CACNA1B: variants seen among roughly 807,000 people sequenced by gnomAD.
CACNA1B encodes the protein calcium voltage-gated channel subunit alpha1 B, also known as voltage-dependent N-type calcium channel subunit alpha-1B.
CACNA1B carries 70 observed loss-of-function variants against 247.2 expected under a neutral mutation model. The ratio of observed to expected loss-of-function variants is 0.28; its 90% CI spans 0.23 to 0.35. CACNA1B has a LOEUF of 0.35. Among genes scored for constraint, CACNA1B ranks in the 10% least tolerant of loss-of-function variants. The pLI, the probability that CACNA1B is intolerant of heterozygous loss-of-function variation, is 1.00. For synonymous variants in CACNA1B, 1,231 were observed against 1,294.4 expected (o/e 0.95, Z 1.05); for missense variants, 2,367 against 3,197.4 (o/e 0.74, Z 6.26).
Position 137,913,123 on chromosome 9 carries a change from C to T in CACNA1B, c.531-57C>T, listed in dbSNP as rs544209484. The T allele has an allele frequency of 7.2e-7, 1 of 1,384,172 alleles. No homozygotes were observed. Among genetic ancestry groups the T allele is most frequent in the East Asian group, 2.3e-5 (1 of 43,612 alleles). The allele number at this position is 1,384,172 out of a possible 1,614,324, so 85.7% of individuals were successfully genotyped here. On this transcript the variant is annotated intron_variant, in intron 3 of 46. Coordinates refer to ENST00000371372, the MANE Select transcript of CACNA1B (RefSeq NM_000718.4). The surrounding 1 kb of genome is among the most constrained non-coding windows in gnomAD (Gnocchi z 5.2). ...ACCCTGGTGGTGGGAGGAGTGTGTC[C>T]TCTTCCAGGCTCAATGTGGAAACCT...
intron 37 of CACNA1B, among the ~76,000 whole-genome samples, chr9:138,101,456 G>A (rs1961248599): frequency 6.6e-6 from 1 of 152,248 alleles, no homozygotes. Context: ...GGAGATGGGG[G>A]CTAGGTCCCT....
rs769006532 is a variant in CACNA1B, at chr9:138,112,372, C to T, written c.5429-26C>T. ...TGCTCCTAACATCTCTGTCTTTTCC[C>T]CTTCCCCACCATCATCCTGGTGCAG... is the stretch of plus-strand genomic sequence containing the variant. On this transcript the variant is annotated intron_variant, in intron 39 of 46. Coordinates refer to ENST00000371372, the MANE Select transcript of CACNA1B (RefSeq NM_000718.4). The T allele has an allele frequency of 9.6e-6, 15 of 1,559,776 alleles. No homozygotes were observed. In the East Asian group the frequency reaches 3.1e-4, roughly 33 times the overall value.
intron 6 of CACNA1B, among the ~76,000 whole-genome samples, chr9:137,929,068 G>C (rs777566166): frequency 5.9e-5 from 9 of 152,142 alleles, no homozygotes; most frequent in Non-Finnish European, 1.2e-4. Context: ...GTTTTTGCAA[G>C]GAATATGTTT....
At chr9:138,044,886 C>T (rs1347336405) in intron 21 of CACNA1B, among the ~76,000 whole-genome samples, 14 of 152,228 alleles carry the variant, frequency 9.2e-5, no homozygotes, top group Admixed American at 2.6e-4. Context: ...TACCCTGCTA[C>T]GCTGCGGTTA....
chr9:137,910,303 T>C (rs1194172906), intron 3 of CACNA1B, among the ~76,000 whole-genome samples: 1 of 152,158 alleles, frequency 6.6e-6, no homozygotes, highest in African/African-American at 2.4e-5. Flanking sequence ...TTATTAGAGA[T>C]ATGATTTGCA....
At chr9:138,080,249 T>A (rs1960480388) in intron 36 of CACNA1B, among the ~76,000 whole-genome samples, 1 of 152,026 alleles carries the variant, frequency 6.6e-6, no homozygotes, top group African/African-American at 2.4e-5. Context: ...GGACGTGGGA[T>A]CAAAGCTGGG....
At position 138,052,231 on chromosome 9, in the gene CACNA1B, T is replaced by C. The variant is rs372184486; in HGVS notation, c.3807+43T>C. ...GGGCTTGAGGGATGTGCTGTGTGTG[T>C]GTGCGTGTGTGTGTGTGCGTGTGTG... On this transcript the variant is annotated intron_variant, in intron 25 of 46. Coordinates refer to ENST00000371372, the MANE Select transcript of CACNA1B (RefSeq NM_000718.4). This position sits in a 1 kb window ranked among gnomAD's most constrained non-coding sequence, Gnocchi z 5.1. The C allele has an allele frequency of 5.8e-6, 6 of 1,035,240 alleles. No individual in the cohort carries two copies. Among genetic ancestry groups the C allele is most frequent in the South Asian group, 1.3e-5 (1 of 74,840 alleles). 64.1% of individuals were successfully genotyped at this position (1,035,240 alleles called of 1,614,324 possible). A position where few individuals can be genotyped will look rare whatever the true frequency, so the allele number is the denominator to read the frequency against.
rs1958382668 is a variant in CACNA1B at position 137,987,663 on chromosome 9, CA to C, written c.1974+811del. Among the ~76,000 whole-genome samples, 3 of 152,090 alleles carry C rather than the reference CA, an allele frequency of 2.0e-5. No individual in the cohort carries two copies. In the South Asian group the frequency reaches 6.2e-4, roughly 32 times the overall value. On this transcript the variant is annotated intron_variant, in intron 15 of 46. Coordinates refer to ENST00000371372, the MANE Select transcript of CACNA1B (RefSeq NM_000718.4). ...TACCCTTGGTCAGGGCTGGAGCCTA[CA>C]ACTTGTGTGAAGAGAGGGGCCCTTT...
At chr9:138,098,498 A>G (rs549596566) in intron 37 of CACNA1B, among the ~76,000 whole-genome samples, 1 of 152,330 alleles carries the variant, frequency 6.6e-6, no homozygotes, top group South Asian at 2.1e-4. Flanking sequence ...TTAGTACTGA[A>G]GGGCAAAGGC....
intron 3 of CACNA1B, among the ~76,000 whole-genome samples, chr9:137,885,097 GTC>G (rs1365328536): frequency 2.7e-5 from 4 of 148,126 alleles, no homozygotes; most frequent in Non-Finnish European, 4.5e-5. Flanking sequence ...GCTTGGGCAC[GTC>G]TCTGCTCGCC....
At position 138,020,342 on chromosome 9, in the gene CACNA1B, G is replaced by A. The variant is rs1235422838; in HGVS notation, c.2268-2669G>A. On this transcript the variant is annotated intron_variant, in intron 18 of 46. Transcript: ENST00000371372. The surrounding 1 kb of genome is among the most constrained non-coding windows in gnomAD (Gnocchi z 4.1). ...CTGAGGCCAGGACACAGGGGTGCCA[G>A]TCGTCCATGTGACTTCCTTAAAGAA... 1.3e-5 allele frequency among the ~76,000 whole-genome samples: 2 copies of A among 152,184 alleles called. No individual in the cohort carries two copies. The highest frequency in any genetic ancestry group is 2.9e-5 in the Non-Finnish European group (2 of 68,036).
chr9:138,113,721 T>G (rs1457178783), intron 40 of CACNA1B, among the ~76,000 whole-genome samples: 1 of 132,358 alleles, frequency 7.6e-6, no homozygotes, highest in Non-Finnish European at 1.6e-5. Flanking sequence ...GCGGGAGACG[T>G]GAGGGAGTGC....
At position 138,115,772 on chromosome 9, in the gene CACNA1B, C is replaced by G. The variant is rs1961833082; in HGVS notation, c.5777+93C>G. On this transcript the variant is annotated intron_variant, in intron 42 of 46. Coordinates refer to ENST00000371372, the MANE Select transcript of CACNA1B (RefSeq NM_000718.4). ...CATCCCATTTCCTCAACCTCCCTGG[C>G]CCTCACTTCCACTGGCCTCTGGGTT... The G allele has an allele frequency of 2.2e-6, 3 of 1,335,896 alleles. No individual in the cohort carries two copies. In the South Asian group the frequency reaches 4.1e-5, roughly 18 times the overall value. The allele number at this position is 1,335,896 out of a possible 1,614,324, so 82.8% of individuals were successfully genotyped here.
At chr9:137,908,089 T>C (rs1310212992) in intron 3 of CACNA1B, among the ~76,000 whole-genome samples, 1 of 152,098 alleles carries the variant, frequency 6.6e-6, no homozygotes, top group Non-Finnish European at 1.5e-5. Flanking sequence ...TCTTGGGGAG[T>C]GAAGCAAGAG....
chr9:137,893,001 C>A (rs1259259381), intron 3 of CACNA1B, among the ~76,000 whole-genome samples: 2 of 152,222 alleles, frequency 1.3e-5, no homozygotes, highest in African/African-American at 4.8e-5. Flanking sequence ...GCCGCCATGG[C>A]ACTCCGTGTC....
At chr9:138,120,578 A>G in intron 45 of CACNA1B, 53 bp from the exon 46 acceptor site, 1 of 1,462,028 alleles carries the variant, frequency 6.8e-7, no homozygotes, top group Non-Finnish European at 9.0e-7. Flanking sequence ...CCCGGGGGTC[A>G]GGGGTCCCTG....
At position 137,957,326 on chromosome 9, in the gene CACNA1B, T is replaced by C. The variant is rs1042641146; in HGVS notation, c.1244-272T>C. 2.9e-4 allele frequency among the ~76,000 whole-genome samples: 44 copies of C among 152,228 alleles called. No homozygotes were observed. The highest frequency in any genetic ancestry group is 1.0e-3 in the African/African-American group (42 of 41,460). Reference sequence around the variant, plus strand: ...GGCCTTGCCCCAGATGGACGTTTCCTGGTCTCCCTGGTGGCCAGGCCTCCC... The same window carrying C: ...GGCCTTGCCCCAGATGGACGTTTCCCGGTCTCCCTGGTGGCCAGGCCTCCC... On this transcript the variant is annotated intron_variant, in intron 9 of 46. Transcript: ENST00000371372. The surrounding 1 kb of genome is among the most constrained non-coding windows in gnomAD (Gnocchi z 4.7).
At chr9:138,108,566 C>T (rs1475262904) in intron 39 of CACNA1B, among the ~76,000 whole-genome samples, 1 of 152,106 alleles carries the variant, frequency 6.6e-6, no homozygotes, top group African/African-American at 2.4e-5. Context: ...TAGACAAAGA[C>T]ATGACCAGAA....
At chr9:137,965,231 T>A (rs1958060764) in intron 10 of CACNA1B, among the ~76,000 whole-genome samples, 1 of 152,266 alleles carries the variant, frequency 6.6e-6, no homozygotes, top group Non-Finnish European at 1.5e-5. Flanking sequence ...GCAGCTGTGC[T>A]GTTTTGGAGA....
Sources: gnomAD v4.1 joint callset for allele counts (sites outside exome capture counted in the v4.1 genomes callset) on GRCh38, gnomAD v4.1.1 for gene constraint, Gnocchi (gnomAD v3.1) non-coding constraint, MANE v1.5 for transcripts, NCBI Gene and HGNC (gene_info 2026-07-23, HGNC 2026-07-21) for gene names.